TRAPPC9: variants seen among roughly 807,000 people sequenced by gnomAD.
TRAPPC9 encodes the protein trafficking protein particle complex subunit 9, also known as IKK2 binding protein.
Under a neutral mutation model 124.0 loss-of-function variants are expected in TRAPPC9, and 83 were observed. The observed-to-expected ratio is 0.67, with a 90% CI of 0.56 to 0.80. The LOEUF (loss-of-function observed/expected upper bound fraction) is 0.80. Among genes scored for constraint, TRAPPC9 ranks in the 30% least tolerant of loss-of-function variants. The pLI, the probability that TRAPPC9 is intolerant of heterozygous loss-of-function variation, is 0.00. For synonymous variants in TRAPPC9, 638 were observed against 617.5 expected (o/e 1.03, Z -0.49); for missense variants, 1,302 against 1,508.3 (o/e 0.86, Z 2.27).
At chr8:139,818,967 C>A (rs1352872031) in intron 21 of TRAPPC9, among the ~76,000 whole-genome samples, 2 of 152,216 alleles carry the variant, frequency 1.3e-5, no homozygotes, top group Non-Finnish European at 2.9e-5. Context: ...GTACAGGGGT[C>A]CCCAACCCCC....
intron 20 of TRAPPC9, among the ~76,000 whole-genome samples, chr8:139,886,338 C>T (rs1830017986): frequency 6.6e-6 from 1 of 152,320 alleles, no homozygotes; most frequent in South Asian, 2.1e-4. Flanking sequence ...CAATACAACC[C>T]ATGAGTTCTT....
intron 17 of TRAPPC9, among the ~76,000 whole-genome samples, chr8:140,046,385 T>C (rs1563719143): frequency 2.0e-5 from 3 of 152,252 alleles, no homozygotes; most frequent in Admixed American, 2.0e-4. Flanking sequence ...GAGAGCTGGA[T>C]GGACAGGGCG....
At chr8:139,975,460 C>T (rs910457226) in intron 19 of TRAPPC9, among the ~76,000 whole-genome samples, 8 of 152,224 alleles carry the variant, frequency 5.3e-5, no homozygotes, top group African/African-American at 9.6e-5. Flanking sequence ...TTGAGAACCA[C>T]GACTCCCACA....
intron 19 of TRAPPC9, among the ~76,000 whole-genome samples, chr8:139,968,183 A>C (rs1226866059): frequency 6.6e-6 from 1 of 151,974 alleles, no homozygotes; most frequent in Non-Finnish European, 1.5e-5. Flanking sequence ...AAAATAAAAA[A>C]ACAAAAAATA....
intron 17 of TRAPPC9, among the ~76,000 whole-genome samples, chr8:140,119,480 C>T (rs1282022055): frequency 1.3e-5 from 2 of 152,142 alleles, no homozygotes; most frequent in Non-Finnish European, 2.9e-5. Flanking sequence ...AAACTCACCC[C>T]GCAAGTTTCT....
intron 17 of TRAPPC9, among the ~76,000 whole-genome samples, chr8:140,218,734 T>A (rs1587949255): frequency 6.6e-6 from 1 of 152,058 alleles, no homozygotes; most frequent in Admixed American, 6.5e-5. Context: ...CAGAGGTGGG[T>A]GGATCACTTG....
chr8:140,136,910 T>G (rs190167863), intron 17 of TRAPPC9, among the ~76,000 whole-genome samples: 31 of 152,188 alleles, frequency 2.0e-4, no homozygotes, highest in African/African-American at 7.0e-4. Flanking sequence ...AAGGCCTGAT[T>G]CCAAAGCAGG....
At chr8:140,230,104 C>A (rs552902546) in intron 16 of TRAPPC9, among the ~76,000 whole-genome samples, 1 of 152,298 alleles carries the variant, frequency 6.6e-6, no homozygotes, top group African/African-American at 2.4e-5. Flanking sequence ...GCAAGGCCAT[C>A]TCACAACAGG....
intron 21 of TRAPPC9, among the ~76,000 whole-genome samples, chr8:139,853,429 ACT>A (rs1407660988): frequency 6.6e-6 from 1 of 152,072 alleles, no homozygotes; most frequent in African/African-American, 2.4e-5. Flanking sequence ...CACCAAAGAG[ACT>A]CTGCCCCACA....
At chr8:140,056,560 G>A (rs2132114884) in intron 17 of TRAPPC9, among the ~76,000 whole-genome samples, 1 of 151,854 alleles carries the variant, frequency 6.6e-6, no homozygotes, top group East Asian at 1.9e-4. Context: ...TACACAATGG[G>A]GGACAGATAA....
chr8:140,333,450 T>C (rs989975525), intron 9 of TRAPPC9, among the ~76,000 whole-genome samples: 1 of 152,214 alleles, frequency 6.6e-6, no homozygotes, highest in Non-Finnish European at 1.5e-5. Flanking sequence ...TGGAGTGCAA[T>C]GGTGCGATCT....
At chr8:139,787,336 G>A (rs540159189) in intron 21 of TRAPPC9, among the ~76,000 whole-genome samples, 1 of 152,230 alleles carries the variant, frequency 6.6e-6, no homozygotes, top group East Asian at 1.9e-4. Flanking sequence ...TGGACCCACT[G>A]TACAGTCATG....
chr8:140,153,622 G>T (rs532670118), intron 17 of TRAPPC9, among the ~76,000 whole-genome samples: 62 of 152,138 alleles, frequency 4.1e-4, no homozygotes, highest in Middle Eastern at 3.4e-3. Context: ...CAGCACCTGC[G>T]TATAGTATAT....
chr8:139,995,275 T>C (rs1236504543), intron 18 of TRAPPC9, among the ~76,000 whole-genome samples: 1 of 152,192 alleles, frequency 6.6e-6, no homozygotes, highest in Non-Finnish European at 1.5e-5. Context: ...GCAGCCTCTC[T>C]TCCTGGTCCA....
At chr8:140,440,117 C>T (rs552009260) in intron 2 of TRAPPC9, among the ~76,000 whole-genome samples, 6 of 152,246 alleles carry the variant, frequency 3.9e-5, no homozygotes, top group South Asian at 2.1e-4. Context: ...GTAAGGCAGA[C>T]GCAGAAAGAA....
intron 17 of TRAPPC9, among the ~76,000 whole-genome samples, chr8:140,190,331 G>A (rs926855464): frequency 4.6e-5 from 7 of 152,044 alleles, no homozygotes; most frequent in Admixed American, 2.6e-4. Flanking sequence ...CATGGCAGGC[G>A]ACTGTAATCC....
intron 15 of TRAPPC9, among the ~76,000 whole-genome samples, chr8:140,259,459 T>C (rs927514090): frequency 6.6e-6 from 1 of 152,174 alleles, no homozygotes; most frequent in Non-Finnish European, 1.5e-5. Context: ...AACCCCAGCT[T>C]CAGGACAAAG....
At position 140,152,536 on chromosome 8, in the gene TRAPPC9, AT is replaced by A. The variant is rs575784437; in HGVS notation, c.2556+68922del. Among the ~76,000 whole-genome samples, 994 of 137,488 alleles carry A rather than the reference AT, an allele frequency of 7.2e-3. 8 individuals are homozygous for A. Among genetic ancestry groups the A allele is most frequent in the African/African-American group, 0.018 (667 of 37,618 alleles). The allele number at this position is 137,488 out of a possible 152,430, so 90.2% of individuals were successfully genotyped here. A position where few individuals can be genotyped will look rare whatever the true frequency, so the allele number is the denominator to read the frequency against. ...CCACCACGCCTGGCTAATTTTTTGTATTTTTTTTTTTTTAGTAGAGACGGGG... is the reference window on the plus strand; with the variant it reads ...CCACCACGCCTGGCTAATTTTTTGTATTTTTTTTTTTTAGTAGAGACGGGG... On this transcript the variant is annotated intron_variant, in intron 17 of 22. Coordinates refer to ENST00000438773, the MANE Select transcript of TRAPPC9 (RefSeq NM_001160372.4).
intron 21 of TRAPPC9, among the ~76,000 whole-genome samples, chr8:139,800,975 C>A (rs111256378): frequency 6.8e-6 from 1 of 146,706 alleles, no homozygotes; most frequent in Non-Finnish European, 1.5e-5. Context: ...TCCCTCCCTC[C>A]GGCATCTTCC....
Sources: allele counts gnomAD v4.1 joint callset (sites outside exome capture counted in the v4.1 genomes callset), GRCh38; gene constraint gnomAD v4.1.1; transcripts MANE v1.5; gene names NCBI Gene and HGNC (gene_info 2026-07-23, HGNC 2026-07-21).